FRMPD3: variants seen among roughly 807,000 people sequenced by gnomAD.
The protein encoded by FRMPD3 is FERM and PDZ domain containing 3.
In FRMPD3, 42 loss-of-function variants were observed where a neutral mutation model predicts 97.9. The observed-to-expected ratio is 0.43, with a 90% CI of 0.34 to 0.55. The LOEUF (loss-of-function observed/expected upper bound fraction) is 0.55, where lower values mean the gene tolerates loss of function less well. FRMPD3 is among the 20% of genes least tolerant of loss of function. The pLI, the probability that FRMPD3 is intolerant of heterozygous loss-of-function variation, is 0.03. For synonymous variants in FRMPD3, 577 were observed against 581.1 expected, an observed-to-expected ratio of 0.99 and a Z score of 0.10; for missense variants, 1,303 against 1,457.7, an observed-to-expected ratio of 0.89 and a Z score of 1.73.
At chrX:107,511,421 C>G (rs1354299142) in intron 1 of FRMPD3, among the ~76,000 whole-genome samples, 1 of 112,682 alleles carries the variant, frequency 8.9e-6, no homozygotes, top group Admixed American at 9.3e-5. Context: ...TGGAAATCAG[C>G]AGAGGGTGGG....
intron 13 of FRMPD3, among the ~76,000 whole-genome samples, chrX:107,593,476 A>G (rs1234332677): frequency 1.8e-5 from 2 of 111,582 alleles, no homozygotes; most frequent in Non-Finnish European, 3.8e-5. Context: ...GTGTAAGCCA[A>G]TGTCTAGTAG....
intron 1 of FRMPD3, among the ~76,000 whole-genome samples, chrX:107,458,402 G>A (rs1187857931): frequency 1.8e-5 from 2 of 112,417 alleles, no homozygotes; most frequent in Non-Finnish European, 3.7e-5. Context: ...AAAGCACAGA[G>A]AGAATGAGAG....
chrX:107,533,222 CAG>C (rs1923050402), intron 3 of FRMPD3, among the ~76,000 whole-genome samples: 2 of 111,849 alleles, frequency 1.8e-5, no homozygotes, highest in African/African-American at 6.5e-5. Context: ...GAGATTTCTA[CAG>C]AGAGTATGTG....
intron 5 of FRMPD3, among the ~76,000 whole-genome samples, chrX:107,546,531 A>G: frequency 8.9e-6 from 1 of 112,326 alleles, no homozygotes. Context: ...CAATTTGGGG[A>G]GTCTTGGCCA....
At chrX:107,506,839 G>T (rs1396084224) in intron 1 of FRMPD3, among the ~76,000 whole-genome samples, 1 of 112,177 alleles carries the variant, frequency 8.9e-6, no homozygotes, top group Non-Finnish European at 1.9e-5. Flanking sequence ...TCTGGTCACA[G>T]CAGGGGCTGG....
Position 107,601,961 on chromosome X carries a change from G to T in FRMPD3, c.3922G>T (p.Gly1308Cys), listed in dbSNP as rs773335180. 1.1e-5 allele frequency: 13 copies of T among 1,171,285 alleles called. No individual in the cohort carries two copies. The highest frequency in any genetic ancestry group is 2.0e-5 in the South Asian group (1 of 50,400). ...SCDCKRICRG[G>C]RPQATQTPVP... The stretch of plus-strand genomic sequence containing the variant: ...TGACTGCAAGCGCATCTGCCGGGGG[G>T]GCCGGCCACAAGCCACCCAGACACC... The change falls in exon 15 of 15, where the codon GGC (glycine) becomes TGC (cysteine). Residue 1308 changes from glycine to cysteine, a missense_variant. Gly to Cys is a radical substitution (Grantham distance 159). Around this residue, in one of 3 missense-constraint regions of FRMPD3, gnomAD observed 764 missense variants for 820.2 expected, o/e 0.93. Transcript: ENST00000683843.
chrX:107,500,357 A>T (rs1921874556), intron 1 of FRMPD3, among the ~76,000 whole-genome samples: 1 of 112,647 alleles, frequency 8.9e-6, no homozygotes, highest in African/African-American at 3.2e-5. Context: ...AGGATTTTAA[A>T]GTGTTAACAA....
intron 1 of FRMPD3, among the ~76,000 whole-genome samples, chrX:107,468,119 C>A (rs1931607108): frequency 9.0e-6 from 1 of 111,623 alleles, no homozygotes; most frequent in Non-Finnish European, 1.9e-5. Flanking sequence ...TACTCTACTT[C>A]TCCCCATCCT....
chrX:107,536,514 G>A (rs988643795), intron 4 of FRMPD3, among the ~76,000 whole-genome samples: 1 of 111,806 alleles, frequency 8.9e-6, no homozygotes, highest in Non-Finnish European at 1.9e-5. Context: ...TTATTGCTGA[G>A]TAGTACCCAT....
chrX:107,599,727 C>T (rs910585489), intron 14 of FRMPD3, among the ~76,000 whole-genome samples: 3 of 111,940 alleles, frequency 2.7e-5, no homozygotes, highest in Non-Finnish European at 5.6e-5. Context: ...CAGATCCTCT[C>T]GCCACCTCTT....
intron 1 of FRMPD3, among the ~76,000 whole-genome samples, chrX:107,521,826 C>T (rs1006496830): frequency 8.9e-6 from 1 of 112,650 alleles, no homozygotes; most frequent in Non-Finnish European, 1.9e-5. Context: ...GAGCCAAAGG[C>T]AAAGAGGGCT....
chrX:107,534,443 A>G (rs772297744), intron 4 of FRMPD3, among the ~76,000 whole-genome samples: 1 of 110,947 alleles, frequency 9.0e-6, no homozygotes, highest in Non-Finnish European at 1.9e-5. Flanking sequence ...GGTGAGGGAC[A>G]TGAAATCAGG....
intron 1 of FRMPD3, among the ~76,000 whole-genome samples, chrX:107,457,979 G>A (rs1158990359): frequency 8.9e-6 from 1 of 111,895 alleles, no homozygotes; most frequent in Non-Finnish European, 1.9e-5. Flanking sequence ...CTTAAGTAGC[G>A]TTATTGATTG....
At chrX:107,454,173 G>A (rs985340474) in intron 1 of FRMPD3, among the ~76,000 whole-genome samples, 3 of 111,441 alleles carry the variant, frequency 2.7e-5, no homozygotes, top group African/African-American at 9.8e-5. Context: ...TTCCAGCCAA[G>A]TGACCCCTCC....
intron 1 of FRMPD3, among the ~76,000 whole-genome samples, chrX:107,496,979 G>T (rs184974270): frequency 2.7e-5 from 3 of 112,302 alleles, no homozygotes; most frequent in Admixed American, 9.4e-5. Flanking sequence ...GATCAAACAA[G>T]AATGAGGTCA....
At chrX:107,576,921 G>A (rs1208644683) in intron 13 of FRMPD3, among the ~76,000 whole-genome samples, 1 of 110,489 alleles carries the variant, frequency 9.1e-6, no homozygotes, top group African/African-American at 3.3e-5. Flanking sequence ...GATGCAGTAA[G>A]TGCTCCCCAA....
chrX:107,521,233 T>G (rs1034105378), intron 1 of FRMPD3, among the ~76,000 whole-genome samples: 1 of 112,694 alleles, frequency 8.9e-6, no homozygotes, highest in Non-Finnish European at 1.9e-5. Flanking sequence ...ATTTATGTTT[T>G]AACCCAGGCC....
intron 1 of FRMPD3, among the ~76,000 whole-genome samples, chrX:107,480,563 C>A (rs867961503): frequency 7.2e-4 from 79 of 110,227 alleles, no homozygotes; most frequent in Middle Eastern, 9.3e-3. Flanking sequence ...GGTGCAGTGG[C>A]TCACTCCTAT....
At chrX:107,543,991 G>A (rs1921454438) in intron 4 of FRMPD3, among the ~76,000 whole-genome samples, 1 of 111,148 alleles carries the variant, frequency 9.0e-6, no homozygotes, top group Non-Finnish European at 1.9e-5. Flanking sequence ...ATCAACAGAT[G>A]AATGGATGAA....
Sources: allele counts gnomAD v4.1 joint callset (sites outside exome capture counted in the v4.1 genomes callset), GRCh38; gene constraint gnomAD v4.1.1; regional missense constraint gnomAD v4.1.1; transcripts MANE v1.5; gene names NCBI Gene and HGNC (gene_info 2026-07-23, HGNC 2026-07-21).